The following SCHIP1 variants were observed in gnomAD, a reference collection of about 807,000 sequenced individuals.
SCHIP1 encodes the protein schwannomin-interacting protein 1.
In SCHIP1, 8 loss-of-function variants were observed where a neutral mutation model predicts 29.7. The observed-to-expected ratio is 0.27, with a 90% confidence interval of 0.16 to 0.49. The LOEUF is 0.49. Ranked by LOEUF, SCHIP1 falls within the 20% of genes least tolerant of loss-of-function variation. The probability of loss-of-function intolerance (pLI) is 0.99; values close to 1 mark genes in which losing one functional copy is unlikely to be tolerated. For synonymous variants in SCHIP1, 76 were observed against 94.9 expected (o/e 0.80, Z 1.16); for missense variants, 193 against 294.6 (o/e 0.66, Z 2.52).
the SCHIP1 span, among the ~76,000 whole-genome samples, chr3:159,704,327 C>T: frequency 1.4e-5 from 2 of 147,560 alleles, no homozygotes; most frequent in Admixed American, 7.0e-5. Context: ...CCCAGCTACT[C>T]GGGAGGCTGA....
the SCHIP1 span, among the ~76,000 whole-genome samples, chr3:159,636,921 T>A: frequency 6.6e-6 from 1 of 152,238 alleles, no homozygotes; most frequent in Non-Finnish European, 1.5e-5. Context: ...ACTTTATTAG[T>A]TGTAGTTTGT....
chr3:159,524,168 T>C, the SCHIP1 span, among the ~76,000 whole-genome samples: 1 of 152,236 alleles, frequency 6.6e-6, no homozygotes. Context: ...CACGTAGAAA[T>C]GTCCAGCTGC....
At chr3:159,795,025 G>T in the SCHIP1 span, among the ~76,000 whole-genome samples, 1 of 152,176 alleles carries the variant, frequency 6.6e-6, no homozygotes, top group African/African-American at 2.4e-5. Flanking sequence ...TGGTAGATGT[G>T]AGGTAGAATG....
chr3:159,428,795 C>A, the SCHIP1 span, among the ~76,000 whole-genome samples: 1 of 151,976 alleles, frequency 6.6e-6, no homozygotes, highest in Non-Finnish European at 1.5e-5. Context: ...TGGAACCAAC[C>A]CAAATGTCCA....
At chr3:159,614,806 T>C in the SCHIP1 span, among the ~76,000 whole-genome samples, 2 of 152,186 alleles carry the variant, frequency 1.3e-5, no homozygotes, top group Non-Finnish European at 2.9e-5. Flanking sequence ...GGAATCGACT[T>C]TTGTTCGTTT....
the SCHIP1 span, among the ~76,000 whole-genome samples, chr3:159,739,678 A>G: frequency 9.9e-5 from 15 of 152,172 alleles, no homozygotes; most frequent in African/African-American, 2.7e-4. Flanking sequence ...TTAACCTTGC[A>G]TATCTATCTG....
chr3:159,393,908 A>G, the SCHIP1 span, among the ~76,000 whole-genome samples: 1 of 152,090 alleles, frequency 6.6e-6, no homozygotes, highest in Non-Finnish European at 1.5e-5. Flanking sequence ...CTTGGGCAGT[A>G]TGGCCATTTT....
the SCHIP1 span, among the ~76,000 whole-genome samples, chr3:159,327,356 T>C: frequency 6.6e-6 from 1 of 152,200 alleles, no homozygotes; most frequent in Admixed American, 6.5e-5. Flanking sequence ...GTGTCTAGAA[T>C]GTTCCAAGTG....
the SCHIP1 span, among the ~76,000 whole-genome samples, chr3:159,448,258 G>A: frequency 6.6e-6 from 1 of 152,140 alleles, no homozygotes; most frequent in Non-Finnish European, 1.5e-5. Flanking sequence ...TGGATCATGA[G>A]GTCAAAAATC....
chr3:159,707,029 A>G, the SCHIP1 span, among the ~76,000 whole-genome samples: 1 of 152,232 alleles, frequency 6.6e-6, no homozygotes, highest in Admixed American at 6.5e-5. Context: ...CTCACAGTCT[A>G]GAGGAGAGAA....
chr3:159,399,604 C>T, the SCHIP1 span, among the ~76,000 whole-genome samples: 23 of 152,272 alleles, frequency 1.5e-4, no homozygotes, highest in Non-Finnish European at 2.6e-4. Context: ...CTCTCCCCTG[C>T]ATTACCACAA....
chr3:159,287,707 T>G, the SCHIP1 span, among the ~76,000 whole-genome samples: 3 of 152,298 alleles, frequency 2.0e-5, no homozygotes, highest in African/African-American at 7.2e-5. Flanking sequence ...ACTGTAATTA[T>G]TCTCATTTTA....
chr3:159,647,176 A>G, the SCHIP1 span, among the ~76,000 whole-genome samples: 1 of 152,148 alleles, frequency 6.6e-6, no homozygotes, highest in Admixed American at 6.6e-5. Flanking sequence ...CAAAGGGGAA[A>G]GGTAGAAAGG....
At chr3:159,812,377 A>T in the SCHIP1 span, among the ~76,000 whole-genome samples, 1 of 152,236 alleles carries the variant, frequency 6.6e-6, no homozygotes, top group African/African-American at 2.4e-5. Context: ...CATGATACAT[A>T]TTCTTATCAC....
the SCHIP1 span, among the ~76,000 whole-genome samples, chr3:159,379,327 T>C: frequency 2.0e-5 from 3 of 152,114 alleles, no homozygotes; most frequent in African/African-American, 7.2e-5. Flanking sequence ...GTTCAAGCGA[T>C]TCTCCTGCCT....
the SCHIP1 span, among the ~76,000 whole-genome samples, chr3:159,585,142 G>C: frequency 6.6e-6 from 1 of 151,590 alleles, no homozygotes; most frequent in Non-Finnish European, 1.5e-5. Context: ...GTCACCTCCT[G>C]TATACTAGAT....
chr3:159,296,722 G>A, the SCHIP1 span, among the ~76,000 whole-genome samples: 2 of 151,770 alleles, frequency 1.3e-5, no homozygotes, highest in Non-Finnish European at 2.9e-5. Context: ...TCAGTGAGCC[G>A]AGATCGCACC....
the SCHIP1 span, among the ~76,000 whole-genome samples, chr3:159,779,871 C>T: frequency 2.0e-5 from 3 of 152,092 alleles, no homozygotes; most frequent in Admixed American, 2.0e-4. Flanking sequence ...TTGAATAGCT[C>T]CTTCAACTTA....
the SCHIP1 span, among the ~76,000 whole-genome samples, chr3:159,646,217 A>G: frequency 6.6e-6 from 1 of 152,196 alleles, no homozygotes; most frequent in Non-Finnish European, 1.5e-5. Context: ...GGATGTGAGC[A>G]GCTCAGAATG....
Sources: gnomAD v4.1 joint callset for allele counts (sites outside exome capture counted in the v4.1 genomes callset) on GRCh38, gnomAD v4.1.1 for gene constraint, MANE v1.5 for transcripts, NCBI Gene and HGNC (gene_info 2026-07-23, HGNC 2026-07-21) for gene names.